Variants in VWC2 observed in about 807,000 individuals in gnomAD.
VWC2 encodes brorin.
A neutral mutation model predicts 29.8 loss-of-function variants in VWC2; 14 were observed. That is an observed-to-expected ratio of 0.47 (90% CI 0.31 to 0.74). VWC2 has a LOEUF of 0.74. Ranked by LOEUF, VWC2 falls within the 30% of genes least tolerant of loss-of-function variation. VWC2 has a pLI of 0.05. For missense variants in VWC2, 457 were observed against 459.8 expected (o/e 0.99, Z 0.05); for synonymous variants, 213 against 199.0 (o/e 1.07, Z -0.59).
chr7:49,833,637 T>C (rs932078736), intron 3 of VWC2, among the ~76,000 whole-genome samples: 3 of 152,318 alleles, frequency 2.0e-5, no homozygotes, highest in Admixed American at 1.3e-4. Flanking sequence ...CTTTATGGAA[T>C]ACATCTTCAC....
At chr7:49,827,637 C>T (rs375494798) in intron 3 of VWC2, among the ~76,000 whole-genome samples, 42 of 152,002 alleles carry the variant, frequency 2.8e-4, no homozygotes, top group Middle Eastern at 3.2e-3. Flanking sequence ...ACCATTCTTA[C>T]AGTTATACTG....
chr7:49,921,219 C>T lies in VWC2; in HGVS notation c.*9034C>T, dbSNP rs2128747169. 6.6e-6 allele frequency: 1 copy of T among 152,294 alleles called. No homozygotes were observed. Among genetic ancestry groups the T allele is most frequent in the South Asian group, 2.1e-4 (1 of 4,822 alleles). The allele number at this position is 152,294 out of a possible 1,614,324, so 9.4% of individuals were successfully genotyped here. ...GAATGCCCATGATGCTTTCAGGAAACCAGGGTGAGAACATGCTGGCTGGAG... is the reference window on the plus strand; with the variant it reads ...GAATGCCCATGATGCTTTCAGGAAATCAGGGTGAGAACATGCTGGCTGGAG... On this transcript the variant is annotated 3_prime_UTR_variant, in exon 4 of 4. Coordinates refer to ENST00000340652, the MANE Select transcript of VWC2 (RefSeq NM_198570.5).
In VWC2 at chr7:49,776,049, G is replaced by A; in HGVS notation, c.614G>A (p.Ser205Asn). 2 of 1,552,250 alleles carry A rather than the reference G, an allele frequency of 1.3e-6. No individual in the cohort carries two copies. The highest frequency in any genetic ancestry group is 1.7e-6 in the Non-Finnish European group (2 of 1,154,660). ...CCGCGCTGCATCCACGTCGACACGAGCCAGTGCTGCCCGCAGTGCAAGGAG... is the reference window on the plus strand; with the variant it reads ...CCGCGCTGCATCCACGTCGACACGAACCAGTGCTGCCCGCAGTGCAAGGAG... ...LHPRCIHVDT[S>N]QCCPQCKERK... Residue 205 changes from serine to asparagine, a missense_variant, in exon 2 of 4, where the codon AGC becomes AAC. Physicochemically the swap from Ser to Asn is conservative, Grantham distance 46 (BLOSUM62 1). Transcript: ENST00000340652.
chr7:49,855,282 G>A (rs495813), intron 3 of VWC2, among the ~76,000 whole-genome samples: 116,084 of 152,134 alleles, frequency 0.76, 44,510 homozygotes, highest in East Asian at 0.88. Flanking sequence ...GTTTATGGAC[G>A]GTGTAGTCTC....
At chr7:49,858,965 T>A (rs1322662319) in intron 3 of VWC2, among the ~76,000 whole-genome samples, 1 of 152,226 alleles carries the variant, frequency 6.6e-6, no homozygotes, top group Non-Finnish European at 1.5e-5. Flanking sequence ...TTTATCAGAA[T>A]ATGTCAGGAT....
At chr7:49,839,169 C>T (rs1789737266) in intron 3 of VWC2, among the ~76,000 whole-genome samples, 1 of 152,160 alleles carries the variant, frequency 6.6e-6, no homozygotes, top group African/African-American at 2.4e-5. Context: ...CCTGTATCTG[C>T]ATCTGGAAAT....
chr7:49,810,007 A>G (rs561679111), intron 3 of VWC2, among the ~76,000 whole-genome samples: 1 of 152,118 alleles, frequency 6.6e-6, no homozygotes, highest in Admixed American at 6.5e-5. Context: ...TGGAGGTCTT[A>G]TATACAGAGA....
chr7:49,907,147 T>TA (rs1793147750), intron 3 of VWC2, among the ~76,000 whole-genome samples: 1 of 152,206 alleles, frequency 6.6e-6, no homozygotes, highest in Non-Finnish European at 1.5e-5. Context: ...AGAAGTATGT[T>TA]ACCTTTTGTG....
At chr7:49,837,971 C>T (rs982836516) in intron 3 of VWC2, among the ~76,000 whole-genome samples, 3 of 152,202 alleles carry the variant, frequency 2.0e-5, no homozygotes, top group African/African-American at 7.2e-5. Flanking sequence ...CTATAACTTT[C>T]TTCCCTGTAC....
chr7:49,864,146 C>T (rs898049945), intron 3 of VWC2, among the ~76,000 whole-genome samples: 1 of 152,110 alleles, frequency 6.6e-6, no homozygotes, highest in Admixed American at 6.5e-5. Context: ...ATTTTTCAGA[C>T]TGTACTCCTT....
intron 3 of VWC2, among the ~76,000 whole-genome samples, chr7:49,839,436 TTGTTAAGAAA>T (rs1328109826): frequency 6.6e-6 from 1 of 152,230 alleles, no homozygotes; most frequent in African/African-American, 2.4e-5. Flanking sequence ...AAAGCTTCAC[TTGTTAAGAAA>T]TGTCTTTTAT....
At chr7:49,812,870 T>C (rs1324831339) in intron 3 of VWC2, among the ~76,000 whole-genome samples, 1 of 152,156 alleles carries the variant, frequency 6.6e-6, no homozygotes, top group Non-Finnish European at 1.5e-5. Flanking sequence ...ACTCCTAAAT[T>C]ATATTTTGGT....
chr7:49,888,919 A>T (rs528335119), intron 3 of VWC2, among the ~76,000 whole-genome samples: 1 of 152,178 alleles, frequency 6.6e-6, no homozygotes, highest in African/African-American at 2.4e-5. Context: ...CTCAAAAAAA[A>T]CAAAAACAAA....
At position 49,800,883 on chromosome 7, in the gene VWC2, C is replaced by CT. The variant is rs1386833825; in HGVS notation, c.697-1828_697-1827insT. Among the ~76,000 whole-genome samples, 3 of 148,776 alleles carry CT rather than the reference C, an allele frequency of 2.0e-5. No homozygotes were observed. The East Asian group carries it at 5.9e-4, about 29-fold the overall frequency. On this transcript the variant is annotated intron_variant, in intron 2 of 3. Coordinates refer to ENST00000340652, the MANE Select transcript of VWC2 (RefSeq NM_198570.5). ...AAAAAAAAAAAAAACCTAATTGTGC[C>CT]AACAACAACAAAAGAAACTCATCTC...
At chr7:49,809,708 G>A (rs1181189695) in intron 3 of VWC2, among the ~76,000 whole-genome samples, 1 of 151,938 alleles carries the variant, frequency 6.6e-6, no homozygotes, top group Admixed American at 6.6e-5. Context: ...GTCATGCAAG[G>A]TTTGGTTTAC....
At chr7:49,789,190 C>T (rs1399512060) in intron 2 of VWC2, among the ~76,000 whole-genome samples, 1 of 128,906 alleles carries the variant, frequency 7.8e-6, no homozygotes. Flanking sequence ...TGTGTGGGTG[C>T]ATGTGTGAGT....
At chr7:49,847,227 A>G (rs1789976583) in intron 3 of VWC2, among the ~76,000 whole-genome samples, 1 of 147,378 alleles carries the variant, frequency 6.8e-6, no homozygotes, top group Non-Finnish European at 1.5e-5. Context: ...ATATAATATA[A>G]TATAATATAT....
intron 3 of VWC2, among the ~76,000 whole-genome samples, chr7:49,871,230 C>T (rs1791135806): frequency 6.6e-6 from 1 of 152,162 alleles, no homozygotes; most frequent in Non-Finnish European, 1.5e-5. Context: ...AGGCTTCTTA[C>T]AGCCTTCCAT....
intron 3 of VWC2, among the ~76,000 whole-genome samples, chr7:49,871,820 C>A (rs1053655832): frequency 6.7e-6 from 1 of 150,358 alleles, no homozygotes; most frequent in Non-Finnish European, 1.5e-5. Context: ...ATTATACACC[C>A]AATCAAAGAC....
Sources: gnomAD v4.1 joint callset for allele counts (sites outside exome capture counted in the v4.1 genomes callset) on GRCh38, gnomAD v4.1.1 for gene constraint, MANE v1.5 for transcripts, NCBI Gene and HGNC (gene_info 2026-07-23, HGNC 2026-07-21) for gene names.